Variants in TUSC3 observed in about 807,000 individuals in gnomAD.
TUSC3 encodes dolichyl-diphosphooligosaccharide--protein glycosyltransferase subunit TUSC3.
A neutral mutation model predicts 44.8 loss-of-function variants in TUSC3; 45 were observed. The ratio of observed to expected loss-of-function variants is 1.00; its 90% confidence interval spans 0.79 to 1.29. The LOEUF is 1.29. Among genes scored for constraint, TUSC3 ranks in the 50% most tolerant of loss-of-function variants. The pLI is 0.00. For synonymous variants in TUSC3, 212 were observed against 152.9 expected, an observed-to-expected ratio of 1.39 and a Z score of -2.85; for missense variants, 519 against 437.9, an observed-to-expected ratio of 1.19 and a Z score of -1.65.
the TUSC3 span, among the ~76,000 whole-genome samples, chr8:15,845,423 A>G: frequency 6.6e-6 from 1 of 152,160 alleles, no homozygotes; most frequent in Admixed American, 6.6e-5. Flanking sequence ...GCATATGTGC[A>G]TGTTTTTCAG....
At chr8:15,562,218 C>G (rs1238762103) in intron 1 of TUSC3, among the ~76,000 whole-genome samples, 2 of 152,070 alleles carry the variant, frequency 1.3e-5, no homozygotes, top group African/African-American at 4.8e-5. Context: ...TAGTGATTTA[C>G]CAACACTGTT....
chr8:15,713,924 T>A (rs1449398518), intron 6 of TUSC3, among the ~76,000 whole-genome samples: 2 of 152,186 alleles, frequency 1.3e-5, no homozygotes, highest in African/African-American at 4.8e-5. Flanking sequence ...AATTGGTCAC[T>A]TATTCACAAC....
At chr8:15,432,787 C>T (rs1799887301) in intron 1 of TUSC3, among the ~76,000 whole-genome samples, 1 of 151,862 alleles carries the variant, frequency 6.6e-6, no homozygotes, top group Admixed American at 6.6e-5. Context: ...ATAGCTAGAG[C>T]GGGTTAAAGT....
chr8:15,619,009 C>T (rs1277439840), intron 1 of TUSC3, among the ~76,000 whole-genome samples: 1 of 152,188 alleles, frequency 6.6e-6, no homozygotes, highest in Non-Finnish European at 1.5e-5. Context: ...ATGGCTCTAC[C>T]ACTAGTCACA....
the TUSC3 span, among the ~76,000 whole-genome samples, chr8:15,835,345 A>C: frequency 6.6e-6 from 1 of 151,268 alleles, no homozygotes; most frequent in Non-Finnish European, 1.5e-5. Context: ...CCTTTTATTA[A>C]TTTATATGAG....
chr8:15,673,704 A>T (rs977992470), intron 5 of TUSC3, 43 bp from the exon 6 acceptor site: 1 of 1,423,822 alleles, frequency 7.0e-7, no homozygotes, highest in Non-Finnish European at 9.9e-7. Flanking sequence ...TTATTCTGGT[A>T]TTCTCTGGTT....
chr8:15,816,569 T>C, the TUSC3 span, among the ~76,000 whole-genome samples: 1 of 152,202 alleles, frequency 6.6e-6, no homozygotes, highest in African/African-American at 2.4e-5. Flanking sequence ...TTCTGGACTT[T>C]ATTGGGTCAA....
the TUSC3 span, among the ~76,000 whole-genome samples, chr8:15,810,648 AG>A: frequency 1.3e-5 from 2 of 151,648 alleles, no homozygotes; most frequent in Non-Finnish European, 2.9e-5. Flanking sequence ...GTGGCCAAGG[AG>A]GGGGGGCGGG....
At chr8:15,812,154 T>C in the TUSC3 span, among the ~76,000 whole-genome samples, 6 of 152,230 alleles carry the variant, frequency 3.9e-5, no homozygotes, top group African/African-American at 1.4e-4. Context: ...AAGTGCATCT[T>C]AAGTTGAAAT....
At chr8:15,810,482 T>C in the TUSC3 span, among the ~76,000 whole-genome samples, 3 of 150,926 alleles carry the variant, frequency 2.0e-5, no homozygotes, top group African/African-American at 7.3e-5. Context: ...TACAGATAAT[T>C]AAAAACTTAG....
intron 1 of TUSC3, among the ~76,000 whole-genome samples, chr8:15,581,564 G>A (rs1803338330): frequency 6.7e-6 from 1 of 148,582 alleles, no homozygotes; most frequent in South Asian, 2.2e-4. Context: ...CAGGTCTGTT[G>A]GAATACCCTG....
chr8:15,707,761 A>T (rs1322001558), intron 6 of TUSC3, among the ~76,000 whole-genome samples: 3 of 151,978 alleles, frequency 2.0e-5, no homozygotes, highest in Admixed American at 6.6e-5. Context: ...GGCTGTCACA[A>T]CAAAATGCCA....
At chr8:15,439,090 A>T (rs73189495) in intron 1 of TUSC3, among the ~76,000 whole-genome samples, 24,672 of 151,792 alleles carry the variant, frequency 0.16, 2,075 homozygotes, top group Middle Eastern at 0.22. Context: ...TGGGAATGCA[A>T]CTCGTCCATA....
intron 5 of TUSC3, among the ~76,000 whole-genome samples, chr8:15,664,503 T>C (rs1807570627): frequency 1.3e-5 from 2 of 148,786 alleles, no homozygotes; most frequent in African/African-American, 2.4e-5. Context: ...CTGTGAATCT[T>C]GGAAAGCGAA....
intron 1 of TUSC3, among the ~76,000 whole-genome samples, chr8:15,554,164 C>T (rs80302318): frequency 1.5e-4 from 1 of 6,846 alleles, no homozygotes; most frequent in African/African-American, 2.8e-4. Flanking sequence ...TCTCTTCAAA[C>T]CCCACCTTCC....
intron 1 of TUSC3, among the ~76,000 whole-genome samples, chr8:15,457,160 C>A (rs1351849902): frequency 6.3e-5 from 6 of 94,924 alleles, no homozygotes; most frequent in East Asian, 2.8e-4. Flanking sequence ...CACACTGGGG[C>A]CTGTTGTGAG....
At chr8:15,479,944 T>G (rs900397297) in intron 1 of TUSC3, among the ~76,000 whole-genome samples, 1 of 152,124 alleles carries the variant, frequency 6.6e-6, no homozygotes, top group Non-Finnish European at 1.5e-5. Flanking sequence ...ATGAGCAACT[T>G]CAGCAAAGTC....
In TUSC3 at chr8:15,764,278, T is replaced by C; in HGVS notation, c.*122T>C. ...CATGAAGATAAACTGTTCCTGACTTTATACTATTTTGAATTCATTCATTTC... is the reference window on the plus strand; with the variant it reads ...CATGAAGATAAACTGTTCCTGACTTCATACTATTTTGAATTCATTCATTTC... On this transcript the variant is annotated 3_prime_UTR_variant, in exon 11 of 11. Coordinates refer to ENST00000503731, the MANE Select transcript of TUSC3 (RefSeq NM_006765.4). 1.3e-6 allele frequency: 2 copies of C among 1,549,072 alleles called. No homozygotes were observed. The highest frequency in any genetic ancestry group is 1.1e-5 in the South Asian group (1 of 88,668).
chr8:15,476,628 T>A (rs1800578303), intron 1 of TUSC3, among the ~76,000 whole-genome samples: 1 of 152,080 alleles, frequency 6.6e-6, no homozygotes, highest in Non-Finnish European at 1.5e-5. Flanking sequence ...TTGGACCAAA[T>A]GCACAAACAA....
Sources: allele counts gnomAD v4.1 joint callset (sites outside exome capture counted in the v4.1 genomes callset), GRCh38; gene constraint gnomAD v4.1.1; transcripts MANE v1.5; gene names NCBI Gene and HGNC (gene_info 2026-07-23, HGNC 2026-07-21).